HERC1: variants seen among roughly 807,000 people sequenced by gnomAD.
HERC1 encodes HECT and RLD domain containing E3 ubiquitin protein ligase family member 1.
In HERC1, 160 loss-of-function variants were observed where a neutral mutation model predicts 554.3. That is an observed-to-expected ratio of 0.29 (90% CI 0.25 to 0.33). HERC1 has a LOEUF of 0.33. HERC1 is among the 10% of genes least tolerant of loss of function. The probability of loss-of-function intolerance (pLI) is 1.00; values close to 1 mark genes in which losing one functional copy is unlikely to be tolerated. For missense variants in HERC1, 4,919 were observed against 5,918.5 expected, an observed-to-expected ratio of 0.83 and a Z score of 5.54; for synonymous variants, 2,175 against 2,131.7, an observed-to-expected ratio of 1.02 and a Z score of -0.56.
intron 24 of HERC1, among the ~76,000 whole-genome samples, chr15:63,709,891 C>A (rs2073207750): frequency 1.3e-5 from 2 of 152,112 alleles, no homozygotes; most frequent in African/African-American, 4.8e-5. Context: ...CATGGGACAA[C>A]TGGGAGAGTA....
intron 1 of HERC1, among the ~76,000 whole-genome samples, chr15:63,826,148 A>AGCACCTGGAGCAGCACTCTTTCTGGGAAT (rs1474796339): frequency 1.3e-5 from 2 of 152,228 alleles, no homozygotes; most frequent in Non-Finnish European, 2.9e-5. Flanking sequence ...ATGTGTTCCA[A>AGCACCTGGAGCAGCACTCTTTCTGGGAAT]GCACCTGGAG....
chr15:63,748,487 A>T (rs892977944), intron 10 of HERC1, among the ~76,000 whole-genome samples: 11 of 152,156 alleles, frequency 7.2e-5, no homozygotes, highest in African/African-American at 2.7e-4. Context: ...TATATATTTC[A>T]TATTAAGAAA....
chr15:63,643,159 C>T (rs2069155136), intron 58 of HERC1, 101 bp from the exon 59 acceptor site: 1 of 966,954 alleles, frequency 1.0e-6, no homozygotes, highest in African/African-American at 1.6e-5. Context: ...CTAAAGTCTA[C>T]ATTTTAGCTA....
intron 74 of HERC1, among the ~76,000 whole-genome samples, chr15:63,619,613 A>C (rs1450116955): frequency 6.6e-6 from 1 of 152,160 alleles, no homozygotes; most frequent in Non-Finnish European, 1.5e-5. Context: ...TTGGCTGTGA[A>C]TCCGTCTGGT....
chr15:63,616,642 T>C lies in HERC1; in HGVS notation c.13729A>G (p.Met4577Val). 2 of 1,613,834 alleles carry C rather than the reference T, an allele frequency of 1.2e-6. No individual in the cohort carries two copies. Among genetic ancestry groups the C allele is most frequent in the Non-Finnish European group, 8.5e-7 (1 of 1,179,812 alleles). Residue 4577 changes from methionine (M) to valine (V), a missense_variant, in exon 75 of 78, where the codon ATG becomes GTG. Physicochemically the swap from Met to Val is conservative, Grantham distance 21. Coordinates refer to ENST00000443617, the MANE Select transcript of HERC1 (RefSeq NM_003922.4). ...NPSACLDEHL[M>V]QFKFLGILMG... is the part of the protein sequence containing the mutation. ...AAAATTCCTAAAAACTTAAACTGCA[T>C]TAAGTGTTCATCGAGGCAGGCAGAA...
At chr15:63,764,366 T>A (rs367657849) in intron 2 of HERC1, among the ~76,000 whole-genome samples, 175 bp from the exon 3 acceptor site, 1 of 152,340 alleles carries the variant, frequency 6.6e-6, no homozygotes, top group Non-Finnish European at 1.5e-5. Context: ...GGAAGTTTTA[T>A]TAAACGAGCT....
intron 24 of HERC1, among the ~76,000 whole-genome samples, chr15:63,712,434 A>G (rs979664763): frequency 8.5e-5 from 13 of 152,220 alleles, no homozygotes; most frequent in African/African-American, 3.1e-4. Context: ...TAGTTAATGT[A>G]CCACCTACTA....
rs918506415 is a variant in HERC1, at chr15:63,756,918, T to C, written c.1222-170A>G. 6.6e-6 allele frequency among the ~76,000 whole-genome samples: 1 copy of C among 152,236 alleles called. No individual in the cohort carries two copies. The highest frequency in any genetic ancestry group is 2.4e-5 in the African/African-American group (1 of 41,468). On this transcript the variant is annotated intron_variant, in intron 4 of 77. Transcript: ENST00000443617. The surrounding 1 kb of genome is among the most constrained non-coding windows in gnomAD (Gnocchi z 5.0). ...ATCTAAGAGAACACGAATGGCCTTT[T>C]CATGCTCACAACTTTGTTGCTGAGT... is the stretch of plus-strand genomic sequence containing the variant.
chr15:63,822,643 A>G (rs900963123), intron 1 of HERC1, among the ~76,000 whole-genome samples: 11 of 152,154 alleles, frequency 7.2e-5, no homozygotes. Flanking sequence ...CATCTAAAGT[A>G]TTAAGGAGTG....
chr15:63,774,591 C>G (rs1333066159), intron 2 of HERC1, 103 bp downstream of exon 2: 1 of 847,048 alleles, frequency 1.2e-6, no homozygotes, highest in Non-Finnish European at 1.8e-6. Flanking sequence ...CAACAATCAC[C>G]AAAAGTCTCA....
intron 57 of HERC1, 141 bp from the exon 58 acceptor site, chr15:63,643,691 A>T: frequency 3.7e-6 from 2 of 540,286 alleles, no homozygotes; most frequent in Non-Finnish European, 6.5e-6. Flanking sequence ...AAGGATAGTA[A>T]GCTTGACTGA....
intron 2 of HERC1, among the ~76,000 whole-genome samples, chr15:63,766,337 C>T (rs1218499800): frequency 6.6e-6 from 1 of 151,962 alleles, no homozygotes; most frequent in African/African-American, 2.4e-5. Context: ...CCTGTAATCC[C>T]AGCATTTTGG....
At chr15:63,691,601 T>C (rs983752928) in intron 31 of HERC1, among the ~76,000 whole-genome samples, 1 of 152,170 alleles carries the variant, frequency 6.6e-6, no homozygotes, top group African/African-American at 2.4e-5. Context: ...TGATTTTTCT[T>C]TATCCTCTTG....
At chr15:63,827,401 G>C (rs576526988) in intron 1 of HERC1, among the ~76,000 whole-genome samples, 1 of 151,570 alleles carries the variant, frequency 6.6e-6, no homozygotes, top group East Asian at 1.9e-4. Flanking sequence ...TCCAGCCTGA[G>C]CAACAGAGTG....
At chr15:63,726,949 A>G (rs138534091) in intron 17 of HERC1, among the ~76,000 whole-genome samples, 2,014 of 152,276 alleles carry the variant, frequency 0.013, 23 homozygotes, top group East Asian at 0.023. Flanking sequence ...CTCACCTGAT[A>G]GACTGAATCT....
chr15:63,747,993 A>C (rs1253336414), intron 10 of HERC1, 135 bp from the exon 11 acceptor site: 2 of 781,704 alleles, frequency 2.6e-6, no homozygotes, highest in African/African-American at 3.5e-5. Flanking sequence ...TGGGAGGCCA[A>C]GGAATGCAGA....
chr15:63,709,791 T>C (rs764155383), intron 24 of HERC1, among the ~76,000 whole-genome samples: 2 of 152,236 alleles, frequency 1.3e-5, no homozygotes, highest in African/African-American at 2.4e-5. Context: ...CCTAGATTTC[T>C]AGTGGGTTTA....
intron 10 of HERC1, 120 bp from the exon 11 acceptor site, chr15:63,747,978 C>T: frequency 1.0e-6 from 1 of 965,266 alleles, no homozygotes; most frequent in Non-Finnish European, 1.5e-6. Flanking sequence ...GTAATCCTAG[C>T]ACTTTGGGAG....
At chr15:63,792,419 CA>C (rs1268018159) in intron 1 of HERC1, among the ~76,000 whole-genome samples, 1 of 152,168 alleles carries the variant, frequency 6.6e-6, no homozygotes, top group Non-Finnish European at 1.5e-5. Context: ...ACTTCTAGTG[CA>C]GAAGATATTA....
Sources: allele counts gnomAD v4.1 joint callset (sites outside exome capture counted in the v4.1 genomes callset), GRCh38; gene constraint gnomAD v4.1.1; non-coding constraint Gnocchi (gnomAD v3.1); transcripts MANE v1.5; gene names NCBI Gene and HGNC (gene_info 2026-07-23, HGNC 2026-07-21).